GSE1: variants seen among roughly 807,000 people sequenced by gnomAD.
GSE1 encodes the protein Gse1 coiled-coil protein.
GSE1 carries 32 observed loss-of-function variants against 112.6 expected under a neutral mutation model. The observed-to-expected ratio is 0.28, with a 90% CI of 0.21 to 0.38. The LOEUF (loss-of-function observed/expected upper bound fraction) is 0.38, where lower values mean the gene tolerates loss of function less well. GSE1 is among the 10% of genes least tolerant of loss of function. GSE1 has a pLI of 1.00. For synonymous variants in GSE1, 1,115 were observed against 735.6 expected (o/e 1.52, Z -8.35); for missense variants, 2,348 against 1,699.2 (o/e 1.38, Z -6.71).
chr16:85,176,053 A>G (rs370667730), intron 1 of GSE1, among the ~76,000 whole-genome samples: 7 of 151,962 alleles, frequency 4.6e-5, no homozygotes, highest in African/African-American at 9.7e-5. Flanking sequence ...CAATGGTACA[A>G]TGTGCACTCA....
intron 1 of GSE1, among the ~76,000 whole-genome samples, chr16:85,301,726 A>G (rs2045532443): frequency 2.0e-5 from 3 of 152,100 alleles, no homozygotes; most frequent in Non-Finnish European, 4.4e-5. Flanking sequence ...GTCCCCTCCC[A>G]GGGCAGGGCA....
chr16:85,490,193 C>T (rs1194197456), intron 2 of GSE1: 3 of 152,282 alleles, frequency 2.0e-5, no homozygotes, highest in Non-Finnish European at 4.4e-5. Flanking sequence ...TGTTGAGAGG[C>T]TGAGGGGCCC....
intron 1 of GSE1, among the ~76,000 whole-genome samples, chr16:85,194,531 T>G (rs1451206536): frequency 1.3e-5 from 2 of 152,184 alleles, no homozygotes; most frequent in Non-Finnish European, 2.9e-5. Context: ...AGGAGATGAC[T>G]CTGGAAGTAT....
chr16:85,237,364 C>G (rs1220590064), intron 1 of GSE1, among the ~76,000 whole-genome samples: 3 of 151,848 alleles, frequency 2.0e-5, no homozygotes, highest in Non-Finnish European at 4.4e-5. Flanking sequence ...ATAGAAATGG[C>G]ATTAGAGCCC....
chr16:85,199,602 T>C (rs1033217578), intron 1 of GSE1, among the ~76,000 whole-genome samples: 5 of 152,284 alleles, frequency 3.3e-5, no homozygotes, highest in Admixed American at 6.5e-5. Context: ...GATTTCTGGG[T>C]AATGCGTAGT....
chr16:85,587,129 G>C (rs1384649436), intron 1 of GSE1, among the ~76,000 whole-genome samples: 1 of 151,636 alleles, frequency 6.6e-6, no homozygotes, highest in Non-Finnish European at 1.5e-5. Context: ...AGGGTACAGG[G>C]TGCTGGTCCC....
intron 2 of GSE1, among the ~76,000 whole-genome samples, chr16:85,463,958 G>T (rs2050052440): frequency 6.6e-6 from 1 of 152,178 alleles, no homozygotes; most frequent in Non-Finnish European, 1.5e-5. Context: ...CTTTGGGGTG[G>T]CTCCAGTGAC....
At chr16:85,604,769 A>G (rs1334871447) in intron 1 of GSE1, among the ~76,000 whole-genome samples, 3 of 4,978 alleles carry the variant, frequency 6.0e-4, no homozygotes, top group African/African-American at 2.8e-3. Context: ...AAAAAAAAAA[A>G]AAAAAATATA....
intron 1 of GSE1, among the ~76,000 whole-genome samples, chr16:85,617,927 C>T (rs1193290087): frequency 3.3e-5 from 5 of 152,144 alleles, no homozygotes; most frequent in Admixed American, 1.3e-4. Context: ...CCCCGCAGGA[C>T]GGCGTGGCAC....
intron 1 of GSE1, among the ~76,000 whole-genome samples, chr16:85,261,591 C>G (rs4496128): frequency 0.15 from 23,517 of 152,120 alleles, 2,044 homozygotes; most frequent in African/African-American, 0.23. Context: ...AGGGCTGCCC[C>G]GTGTGGTAGA....
chr16:85,368,860 T>TC (rs2047238590), intron 2 of GSE1, among the ~76,000 whole-genome samples: 1 of 151,842 alleles, frequency 6.6e-6, no homozygotes, highest in Non-Finnish European at 1.5e-5. Context: ...GAGTGATGGG[T>TC]CCCCCTCCCT....
intron 1 of GSE1, among the ~76,000 whole-genome samples, chr16:85,598,314 G>C (rs1172764958): frequency 6.6e-6 from 1 of 151,976 alleles, no homozygotes; most frequent in Admixed American, 6.6e-5. Context: ...CAGCTGCGCA[G>C]GGCAGTTCGG....
intron 2 of GSE1, among the ~76,000 whole-genome samples, chr16:85,541,294 A>G (rs545424808): frequency 1.3e-5 from 2 of 152,296 alleles, no homozygotes; most frequent in South Asian, 4.1e-4. Context: ...TGACCGAGAC[A>G]CAGTCAACAA....
chr16:85,357,021 A>G (rs1323355550), intron 1 of GSE1, among the ~76,000 whole-genome samples: 7 of 152,164 alleles, frequency 4.6e-5, no homozygotes, highest in African/African-American at 1.7e-4. Flanking sequence ...GCCAGGCCCC[A>G]GGGGATCTCT....
At chr16:85,326,143 T>C (rs1444539781) in intron 1 of GSE1, among the ~76,000 whole-genome samples, 1 of 151,892 alleles carries the variant, frequency 6.6e-6, no homozygotes, top group Non-Finnish European at 1.5e-5. Flanking sequence ...ACTGGAAGGG[T>C]CATACATCTC....
intron 2 of GSE1, among the ~76,000 whole-genome samples, chr16:85,432,387 T>A (rs2049142781): frequency 6.6e-6 from 1 of 152,208 alleles, no homozygotes; most frequent in Admixed American, 6.5e-5. Context: ...AGCGTTCACT[T>A]CACAGGCAAC....
chr16:85,644,079 G>C (rs1373964275), intron 2 of GSE1, among the ~76,000 whole-genome samples: 4 of 152,164 alleles, frequency 2.6e-5, no homozygotes, highest in Non-Finnish European at 4.4e-5. Context: ...TGTAATCCCA[G>C]CACTGTGGGC....
chr16:85,237,241 T>C (rs1904755735), intron 1 of GSE1, among the ~76,000 whole-genome samples: 1 of 151,894 alleles, frequency 6.6e-6, no homozygotes, highest in Non-Finnish European at 1.5e-5. Flanking sequence ...GAGAATGACT[T>C]GTACCCGGGA....
At chr16:85,170,961 G>T in exon 1 of GSE1, 1 of 985,504 alleles carries the variant, frequency 1.0e-6, no homozygotes, top group Non-Finnish European at 1.2e-6. Context: ...CCCTGCGAGA[G>T]GCCTGCTACC....
Sources: allele counts gnomAD v4.1 joint callset (sites outside exome capture counted in the v4.1 genomes callset), GRCh38; gene constraint gnomAD v4.1.1; transcripts MANE v1.5; gene names NCBI Gene and HGNC (gene_info 2026-07-23, HGNC 2026-07-21).